STAT1: variants seen among roughly 807,000 people sequenced by gnomAD.
STAT1 encodes signal transducer and activator of transcription 1-alpha/beta.
STAT1 carries 24 observed loss-of-function variants against 111.7 expected under a neutral mutation model. The ratio of observed to expected loss-of-function variants is 0.21; its 90% CI spans 0.16 to 0.30. The LOEUF (loss-of-function observed/expected upper bound fraction) is 0.30. Ranked by LOEUF, STAT1 falls within the 10% of genes least tolerant of loss-of-function variation. The pLI is 1.00. For missense variants in STAT1, 351 were observed against 911.9 expected, an observed-to-expected ratio of 0.38 and a Z score of 7.92; for synonymous variants, 332 against 326.5, an observed-to-expected ratio of 1.02 and a Z score of -0.18.
At position 190,981,190 on chromosome 2, in the gene STAT1, G is replaced by A. The variant is rs1452599989; in HGVS notation, c.1583-521C>T. On this transcript the variant is annotated intron_variant, in intron 18 of 24. Transcript: ENST00000361099. This position sits in a 1 kb window ranked among gnomAD's most constrained non-coding sequence, Gnocchi z 4.1. ...CCTCTTCCCACTGCCTTCCTCTGCT[G>A]CTCAGCAGAGCCCCCTCTCCCAAGG... is the stretch of plus-strand genomic sequence containing the variant. Among the ~76,000 whole-genome samples the A allele has an allele frequency of 1.3e-5, 2 of 152,128 alleles. No individual in the cohort carries two copies. Among genetic ancestry groups the A allele is most frequent in the African/African-American group, 2.4e-5 (1 of 41,416 alleles).
chr2:191,009,168 A>G, intron 3 of STAT1, 61 bp from the exon 4 acceptor site: 2 of 1,564,980 alleles, frequency 1.3e-6, no homozygotes, highest in Admixed American at 1.7e-5. Flanking sequence ...AAAACAGACA[A>G]AACAAATGTT....
chr2:191,003,774 C>T lies in STAT1; in HGVS notation c.373-2611G>A, dbSNP rs1278625747. Among the ~76,000 whole-genome samples the T allele has an allele frequency of 1.3e-5, 2 of 152,142 alleles. No homozygotes were observed. The highest frequency in any genetic ancestry group is 6.5e-5 in the Admixed American group (1 of 15,280). ...TCTCAGGTATTTCTTTATAGCCATG[C>T]AAGAACAGACTAATACAACTTCTAA... On this transcript the variant is annotated intron_variant, in intron 5 of 24. Coordinates refer to ENST00000361099, the MANE Select transcript of STAT1 (RefSeq NM_007315.4). The surrounding 1 kb of genome is among the most constrained non-coding windows in gnomAD (Gnocchi z 4.0).
Position 190,982,018 on chromosome 2 carries a change from C to G in STAT1, c.1582+365G>C, listed in dbSNP as rs1247041425. Among the ~76,000 whole-genome samples, 2 of 152,238 alleles carry G rather than the reference C, an allele frequency of 1.3e-5. No homozygotes were observed. The highest frequency in any genetic ancestry group is 4.8e-5 in the African/African-American group (2 of 41,468). On this transcript the variant is annotated intron_variant, in intron 18 of 24. Coordinates refer to ENST00000361099, the MANE Select transcript of STAT1 (RefSeq NM_007315.4). The surrounding 1 kb of genome is among the most constrained non-coding windows in gnomAD (Gnocchi z 7.3). ...CCCAGGACTTTATTTCTCATCATGT[C>G]AGGGACTTCCTTTTTTCTCCCCAAG...
At position 190,980,823 on chromosome 2, in the gene STAT1, C is replaced by G. The variant is rs1336357763; in HGVS notation, c.1583-154G>C. Among the ~76,000 whole-genome samples the G allele has an allele frequency of 6.6e-6, 1 of 152,158 alleles. No individual in the cohort carries two copies. The highest frequency in any genetic ancestry group is 1.5e-5 in the Non-Finnish European group (1 of 68,028). ...TTGACATTTTCGGATACCTTAATGC[C>G]AAATTAACTGAGCAATTATAATACG... On this transcript the variant is annotated intron_variant, in intron 18 of 24. Coordinates refer to ENST00000361099, the MANE Select transcript of STAT1 (RefSeq NM_007315.4). The surrounding 1 kb of genome is among the most constrained non-coding windows in gnomAD (Gnocchi z 6.1).
At position 190,998,595 on chromosome 2, in the gene STAT1, G is replaced by A. The variant is rs1574661185; in HGVS notation, c.542-287C>T. Among the ~76,000 whole-genome samples the A allele has an allele frequency of 6.6e-6, 1 of 151,484 alleles. No individual in the cohort carries two copies. Among genetic ancestry groups the A allele is most frequent in the East Asian group, 1.9e-4 (1 of 5,172 alleles). ...GAGAACAGCATGAACCCGGGAGGCG[G>A]AGCTTGGAGTGAGCCGAGATCTCGC... is the stretch of plus-strand genomic sequence containing the variant. On this transcript the variant is annotated intron_variant, in intron 7 of 24. Transcript: ENST00000361099. This position sits in a 1 kb window ranked among gnomAD's most constrained non-coding sequence, Gnocchi z 4.1.
At position 190,973,066 on chromosome 2, in the gene STAT1, A is replaced by G. The variant is rs756937314; in HGVS notation, c.2238+1764T>C. 2.0e-5 allele frequency among the ~76,000 whole-genome samples: 3 copies of G among 152,148 alleles called. No individual in the cohort carries two copies. Among genetic ancestry groups the G allele is most frequent in the Admixed American group, 6.6e-5 (1 of 15,264 alleles). On this transcript the variant is annotated intron_variant, in intron 24 of 24. Transcript: ENST00000361099. This position sits in a 1 kb window ranked among gnomAD's most constrained non-coding sequence, Gnocchi z 4.4. ...GGGAACCAATCCATCTATTTTCTCA[A>G]TAATGGTGATGACAGAGATGGAATG...
Position 190,999,678 on chromosome 2 carries a change from C to A in STAT1, c.489G>T (p.Leu163=). ...AGTCATATTCATCTTGTAAATCTTCCAGGCTCTTGATTTCATGCTCTATAC... is the reference window on the plus strand; with the variant it reads ...AGTCATATTCATCTTGTAAATCTTCAAGGCTCTTGATTTCATGCTCTATAC... ...VMCIEHEIKS[L]EDLQDEYDFK... Residue 163 remains leucine (L), a synonymous_variant, in exon 7 of 25, where the codon CTG becomes CTT. Transcript: ENST00000361099. This position sits in a 1 kb window ranked among gnomAD's most constrained non-coding sequence, Gnocchi z 4.1. The A allele has an allele frequency of 6.2e-7, 1 of 1,613,748 alleles. No homozygotes were observed. The highest frequency in any genetic ancestry group is 8.5e-7 in the Non-Finnish European group (1 of 1,179,770).
rs1050262639 is a variant in STAT1 at position 190,978,758 on chromosome 2, T to G, written c.1873+98A>C. 11 of 1,496,746 alleles carry G rather than the reference T, an allele frequency of 7.3e-6. No homozygotes were observed. The African/African-American group carries it at 1.5e-4, about 21-fold the overall frequency. 92.7% of individuals were successfully genotyped at this position (1,496,746 alleles called of 1,614,324 possible). On this transcript the variant is annotated intron_variant, in intron 21 of 24. Coordinates refer to ENST00000361099, the MANE Select transcript of STAT1 (RefSeq NM_007315.4). The surrounding 1 kb of genome is among the most constrained non-coding windows in gnomAD (Gnocchi z 6.1). ...GGTAAGTATAAGATCTGCAATTTCATGTCCCAAACGCACTATCTGTATGAG... is the reference window on the plus strand; with the variant it reads ...GGTAAGTATAAGATCTGCAATTTCAGGTCCCAAACGCACTATCTGTATGAG...
rs540152089 is a variant in STAT1, at chr2:190,989,172, G to T, written c.1097+443C>A. On this transcript the variant is annotated intron_variant, in intron 12 of 24. Coordinates refer to ENST00000361099, the MANE Select transcript of STAT1 (RefSeq NM_007315.4). The surrounding 1 kb of genome is among the most constrained non-coding windows in gnomAD (Gnocchi z 5.0). ...TGGCAGCCTGGACGTTCAGCCTCGGGTTGGATCAGGGGCCTCTCCTTTGGG... is the reference window on the plus strand; with the variant it reads ...TGGCAGCCTGGACGTTCAGCCTCGGTTTGGATCAGGGGCCTCTCCTTTGGG... Among the ~76,000 whole-genome samples, 1 of 152,312 alleles carries T rather than the reference G, an allele frequency of 6.6e-6. No individual in the cohort carries two copies. The highest frequency in any genetic ancestry group is 2.4e-5 in the African/African-American group (1 of 41,566).
chr2:191,007,693 T>A lies in STAT1; in HGVS notation c.274-32A>T. ...TTGAGTGGTTAGAACAAAAATAAAT[T>A]AAAATGCAGAATGTTTACTTTATTG... On this transcript the variant is annotated intron_variant, in intron 4 of 24. Coordinates refer to ENST00000361099, the MANE Select transcript of STAT1 (RefSeq NM_007315.4). The surrounding 1 kb of genome is among the most constrained non-coding windows in gnomAD (Gnocchi z 4.2). 1 of 1,460,380 alleles carries A rather than the reference T, an allele frequency of 6.8e-7. No individual in the cohort carries two copies. The highest frequency in any genetic ancestry group is 9.6e-7 in the Non-Finnish European group (1 of 1,041,750). 90.5% of individuals were successfully genotyped at this position (1,460,380 alleles called of 1,614,324 possible). A position where few individuals can be genotyped will look rare whatever the true frequency, so the allele number is the denominator to read the frequency against.
Position 190,993,329 on chromosome 2 carries a change from T to C in STAT1, c.944+1732A>G. ...TAGGATGCCATTGGCTCCTCTGTAA[T>C]AACTGGAGATGACTGTTCGAAACCT... is the stretch of plus-strand genomic sequence containing the variant. On this transcript the variant is annotated intron_variant, in intron 10 of 24. Transcript: ENST00000361099. This position sits in a 1 kb window ranked among gnomAD's most constrained non-coding sequence, Gnocchi z 4.1. The C allele has an allele frequency of 1.2e-6, 1 of 826,892 alleles. No homozygotes were observed. The allele number at this position is 826,892 out of a possible 1,614,324, so 51.2% of individuals were successfully genotyped here.
chr2:191,009,240 T>C (rs1281323966), intron 3 of STAT1, 133 bp from the exon 4 acceptor site: 1 of 1,170,592 alleles, frequency 8.5e-7, no homozygotes, highest in Non-Finnish European at 1.2e-6. Flanking sequence ...TTTTCTTCTT[T>C]TGAAACTGAC....
At chr2:190,972,661 A>C (rs781735579) in intron 24 of STAT1, among the ~76,000 whole-genome samples, 2 of 152,062 alleles carry the variant, frequency 1.3e-5, no homozygotes, top group Non-Finnish European at 2.9e-5. Context: ...AAGTCAACCC[A>C]ATTTAGAGAC....
chr2:190,976,826 C>T lies in STAT1; in HGVS notation c.2059+14G>A, dbSNP rs2124999955. The T allele has an allele frequency of 6.2e-7, 1 of 1,612,458 alleles. No homozygotes were observed. The highest frequency in any genetic ancestry group is 1.3e-5 in the African/African-American group (1 of 75,014). Reference sequence around the variant, plus strand: ...GACTGTGCCACGCTGTTACCACCTGCTTGCCCCACTTACCTTCCTTTGGCC... The same window carrying T: ...GACTGTGCCACGCTGTTACCACCTGTTTGCCCCACTTACCTTCCTTTGGCC... On this transcript the variant is annotated intron_variant, in intron 22 of 24. Coordinates refer to ENST00000361099, the MANE Select transcript of STAT1 (RefSeq NM_007315.4). The surrounding 1 kb of genome is among the most constrained non-coding windows in gnomAD (Gnocchi z 6.0).
chr2:190,983,737 T>C lies in STAT1; in HGVS notation c.1351A>G (p.Thr451Ala). The C allele has an allele frequency of 6.2e-7, 1 of 1,613,972 alleles. No homozygotes were observed. The highest frequency in any genetic ancestry group is 8.5e-7 in the Non-Finnish European group (1 of 1,179,918). The change falls in exon 17 of 25, where the codon ACC becomes GCC. Residue 451 changes from threonine to alanine, a missense_variant. Thr to Ala is a moderately conservative substitution (Grantham distance 58). Transcript: ENST00000361099. The surrounding 1 kb of genome is among the most constrained non-coding windows in gnomAD (Gnocchi z 5.7). ...QPGLVIDLET[T>A]SLPVVVISNV... ...GAGATCACCACAACGGGCAGAGAGG[T>C]CGTCTAAAGGATGACAAAGACCTTG...
rs749516287 is a variant in STAT1 at position 190,982,539 on chromosome 2, A to G, written c.1447-21T>C. 1.2e-6 allele frequency: 2 copies of G among 1,613,876 alleles called. No individual in the cohort carries two copies. Among genetic ancestry groups the G allele is most frequent in the Non-Finnish European group, 1.7e-6 (2 of 1,179,802 alleles). On this transcript the variant is annotated intron_variant, in intron 17 of 24. Transcript: ENST00000361099. This position sits in a 1 kb window ranked among gnomAD's most constrained non-coding sequence, Gnocchi z 7.3. The stretch of plus-strand genomic sequence containing the variant: ...AGATTCTAGAGAGAAAACACCCAAA[A>G]TCTAAGGGTTACTACAGAGACACCA...
Position 191,007,852 on chromosome 2 carries a change from T to C in STAT1, c.274-191A>G, listed in dbSNP as rs557469548. Among the ~76,000 whole-genome samples, 97 of 152,354 alleles carry C rather than the reference T, an allele frequency of 6.4e-4. No individual in the cohort carries two copies. Among genetic ancestry groups the C allele is most frequent in the African/African-American group, 1.9e-3 (78 of 41,596 alleles). On this transcript the variant is annotated intron_variant, in intron 4 of 24. Coordinates refer to ENST00000361099, the MANE Select transcript of STAT1 (RefSeq NM_007315.4). The surrounding 1 kb of genome is among the most constrained non-coding windows in gnomAD (Gnocchi z 4.2). ...GAATTATGACAAAAATTGCTTTAAC[T>C]TTCTAAGTGCAGGTACCTAACGTAC...
intron 4 of STAT1, among the ~76,000 whole-genome samples, chr2:191,008,204 C>G (rs1694852044): frequency 6.6e-6 from 1 of 151,522 alleles, no homozygotes; most frequent in South Asian, 2.1e-4. Context: ...TTTGATTTCC[C>G]CACTCGTAAA....
At position 190,969,985 on chromosome 2, in the gene STAT1, T is replaced by G. The variant is rs566925477; in HGVS notation, c.*718A>C. The G allele has an allele frequency of 6.5e-5, 10 of 152,968 alleles. No homozygotes were observed. Among genetic ancestry groups the G allele is most frequent in the African/African-American group, 2.4e-4 (10 of 41,592 alleles). 9.5% of individuals were successfully genotyped at this position (152,968 alleles called of 1,614,324 possible). ...AGCTTTGGATATCAAACACAACTTG[T>G]GAATTTGGAAATGTACATCCTTCTA... On this transcript the variant is annotated 3_prime_UTR_variant, in exon 25 of 25. Coordinates refer to ENST00000361099, the MANE Select transcript of STAT1 (RefSeq NM_007315.4).
Sources: gnomAD v4.1 joint callset for allele counts (sites outside exome capture counted in the v4.1 genomes callset) on GRCh38, gnomAD v4.1.1 for gene constraint, Gnocchi (gnomAD v3.1) non-coding constraint, MANE v1.5 for transcripts, NCBI Gene and HGNC (gene_info 2026-07-23, HGNC 2026-07-21) for gene names.